SLC25A26: variants seen among roughly 807,000 people sequenced by gnomAD.
SLC25A26 encodes the protein solute carrier family 25 member 26.
In SLC25A26, 36 loss-of-function variants were observed where a neutral mutation model predicts 37.8. That is an observed-to-expected ratio of 0.95 (90% CI 0.73 to 1.26). The LOEUF (loss-of-function observed/expected upper bound fraction) is 1.26. Among genes scored for constraint, SLC25A26 ranks in the 50% most tolerant of loss-of-function variants. The pLI, the probability that SLC25A26 is intolerant of heterozygous loss-of-function variation, is 0.00. For missense variants in SLC25A26, 390 were observed against 331.1 expected, an observed-to-expected ratio of 1.18 and a Z score of -1.38; for synonymous variants, 129 against 122.5, an observed-to-expected ratio of 1.05 and a Z score of -0.35.
chr3:66,180,409 G>A (rs938852775), intron 1 of SLC25A26, among the ~76,000 whole-genome samples: 5 of 152,156 alleles, frequency 3.3e-5, no homozygotes, highest in South Asian at 2.1e-4. Flanking sequence ...GCAGAGCAAC[G>A]GAAGTGATTT....
intron 5 of SLC25A26, among the ~76,000 whole-genome samples, chr3:66,301,297 G>A (rs1360119548): frequency 6.6e-6 from 1 of 152,222 alleles, no homozygotes; most frequent in African/African-American, 2.4e-5. Context: ...TGCTTGCCAA[G>A]TTGTTACAGA....
intron 1 of SLC25A26, among the ~76,000 whole-genome samples, chr3:66,169,107 A>G (rs900725799): frequency 6.6e-6 from 1 of 152,226 alleles, no homozygotes; most frequent in African/African-American, 2.4e-5. Flanking sequence ...CCTGGGTGAC[A>G]GAGCAAGACC....
chr3:66,216,988 A>T (rs2071371621), upstream of SLC25A26, among the ~76,000 whole-genome samples: 3 of 152,226 alleles, frequency 2.0e-5, no homozygotes, highest in Non-Finnish European at 4.4e-5. Context: ...TATTTCCTAA[A>T]AGGATTCCAG....
rs769631849 is a variant in SLC25A26 at position 66,175,109 on chromosome 3, G to GTATATATA, written c.-354+41150_-354+41157dup. 1.6e-3 allele frequency among the ~76,000 whole-genome samples: 159 copies of GTATATATA among 97,212 alleles called. 1 individual carries two copies. The highest frequency in any genetic ancestry group is 0.011 in the East Asian group (36 of 3,264). 63.8% of individuals were successfully genotyped at this position (97,212 alleles called of 152,430 possible). On this transcript the variant is annotated intron_variant, in intron 1 of 10. Transcript: ENST00000676754. Reference sequence around the variant, plus strand: ...TATATGTATATGTATATGTGTGTGTGTATATATATATATATATATATATAT... The same window carrying GTATATATA: ...TATATGTATATGTATATGTGTGTGTGTATATATATATATATATATATATATATATATAT...
At chr3:66,354,762 C>A (rs1462353305) in intron 6 of SLC25A26, among the ~76,000 whole-genome samples, 1 of 152,082 alleles carries the variant, frequency 6.6e-6, no homozygotes, top group Non-Finnish European at 1.5e-5. Flanking sequence ...ATTATGGGGG[C>A]AGATCTTTCC....
intron 1 of SLC25A26, among the ~76,000 whole-genome samples, chr3:66,205,778 A>G (rs2071168542): frequency 6.6e-6 from 1 of 152,166 alleles, no homozygotes; most frequent in Non-Finnish European, 1.5e-5. Context: ...ATGGGCCAAC[A>G]TTCAAGCTTA....
chr3:66,237,788 C>G (rs1248647958), intron 2 of SLC25A26, among the ~76,000 whole-genome samples: 1 of 152,166 alleles, frequency 6.6e-6, no homozygotes, highest in African/African-American at 2.4e-5. Context: ...GACACACCCA[C>G]AAAACCACAG....
chr3:66,332,731 C>G (rs1423636928), intron 5 of SLC25A26, among the ~76,000 whole-genome samples: 1 of 152,080 alleles, frequency 6.6e-6, no homozygotes, highest in South Asian at 2.1e-4. Flanking sequence ...ACTTTAGTAT[C>G]TATCTAGTGG....
At chr3:66,267,549 C>G (rs1222248433) in intron 5 of SLC25A26, among the ~76,000 whole-genome samples, 1 of 152,148 alleles carries the variant, frequency 6.6e-6, no homozygotes, top group African/African-American at 2.4e-5. Flanking sequence ...TATCTGACTC[C>G]TGTCTGCAGA....
intron 5 of SLC25A26, among the ~76,000 whole-genome samples, chr3:66,303,040 GA>G (rs2075119914): frequency 6.6e-6 from 1 of 152,160 alleles, no homozygotes; most frequent in South Asian, 2.1e-4. Context: ...TAGATACCAG[GA>G]GCACCTCCCG....
intron 5 of SLC25A26, among the ~76,000 whole-genome samples, chr3:66,339,027 G>A (rs2076149998): frequency 6.6e-6 from 1 of 151,934 alleles, no homozygotes; most frequent in East Asian, 1.9e-4. Flanking sequence ...TATGCTGCAG[G>A]CTGGGATGCA....
At chr3:66,362,622 CACAT>C (rs1490059376) in intron 6 of SLC25A26, among the ~76,000 whole-genome samples, 8 of 152,164 alleles carry the variant, frequency 5.3e-5, no homozygotes, top group East Asian at 1.9e-4. Context: ...CGTGCACACA[CACAT>C]ATGTATTCTC....
At chr3:66,274,959 T>G (rs1391987115) in intron 5 of SLC25A26, among the ~76,000 whole-genome samples, 3 of 152,120 alleles carry the variant, frequency 2.0e-5, no homozygotes, top group African/African-American at 7.2e-5. Context: ...AACGTATGTT[T>G]ATTGCGGCAC....
intron 6 of SLC25A26, among the ~76,000 whole-genome samples, chr3:66,350,392 C>T (rs1047015673): frequency 1.3e-5 from 2 of 152,096 alleles, no homozygotes; most frequent in African/African-American, 4.8e-5. Flanking sequence ...AAATTTGATT[C>T]CCTTCTTGCT....
At chr3:66,357,794 T>C (rs879869048) in intron 6 of SLC25A26, among the ~76,000 whole-genome samples, 1 of 152,196 alleles carries the variant, frequency 6.6e-6, no homozygotes, top group Non-Finnish European at 1.5e-5. Flanking sequence ...GTGTGTATTA[T>C]GATGTAGTTC....
At chr3:66,197,167 T>C (rs1163712256) in intron 1 of SLC25A26, among the ~76,000 whole-genome samples, 4 of 152,166 alleles carry the variant, frequency 2.6e-5, no homozygotes, top group African/African-American at 9.7e-5. Context: ...TGCCCCAATA[T>C]GAATTTTTTT....
intron 5 of SLC25A26, among the ~76,000 whole-genome samples, chr3:66,291,898 G>T (rs1325261221): frequency 6.6e-6 from 1 of 152,164 alleles, no homozygotes; most frequent in Non-Finnish European, 1.5e-5. Flanking sequence ...TTGACAGTTG[G>T]TGTTAAAGTC....
At chr3:66,323,381 C>G (rs1245747255) in intron 5 of SLC25A26, among the ~76,000 whole-genome samples, 1 of 152,220 alleles carries the variant, frequency 6.6e-6, no homozygotes, top group Non-Finnish European at 1.5e-5. Context: ...AACCACCCAA[C>G]AAGTTCTTGC....
chr3:66,319,861 C>A (rs989039776), intron 5 of SLC25A26, among the ~76,000 whole-genome samples: 1 of 138,744 alleles, frequency 7.2e-6, no homozygotes, highest in East Asian at 2.1e-4. Flanking sequence ...TCAAACGATT[C>A]TCCTGCCTCA....
Sources: gnomAD v4.1 joint callset for allele counts (sites outside exome capture counted in the v4.1 genomes callset) on GRCh38, gnomAD v4.1.1 for gene constraint, MANE v1.5 for transcripts, NCBI Gene and HGNC (gene_info 2026-07-23, HGNC 2026-07-21) for gene names.